ENO2: variants seen among roughly 807,000 people sequenced by gnomAD.
ENO2 encodes enolase 2.
ENO2 carries 19 observed loss-of-function variants against 48.7 expected under a neutral mutation model. The ratio of observed to expected loss-of-function variants is 0.39; its 90% CI spans 0.27 to 0.57. The LOEUF (loss-of-function observed/expected upper bound fraction) is 0.57. Ranked by LOEUF, ENO2 falls within the 20% of genes least tolerant of loss-of-function variation. The pLI is 0.58. For missense variants in ENO2, 416 were observed against 555.0 expected, an observed-to-expected ratio of 0.75 and a Z score of 2.52; for synonymous variants, 198 against 213.4, an observed-to-expected ratio of 0.93 and a Z score of 0.63.
At chr12:6,915,482 G>C in intron 1 of ENO2, 1 of 309,180 alleles carries the variant, frequency 3.2e-6, no homozygotes, top group South Asian at 4.0e-5. Context: ...AGATCTGGGG[G>C]AACCCCACCG....
chr12:6,921,466 G>T (rs782777658), intron 8 of ENO2, 115 bp from the exon 9 acceptor site: 3 of 982,018 alleles, frequency 3.1e-6, no homozygotes, highest in Non-Finnish European at 3.2e-6. Context: ...GGATGAGCAG[G>T]TGTAGTTAAC....
rs781955463 is a variant in ENO2, at chr12:6,921,721, G to T, written c.1006G>T (p.Ala336Ser). ...TATTGAGCGGGCAGTGGAAGAAAAG[G>T]CCTGCAACTGTCTGCTGCTCAAGGT... ...KRIERAVEEK[A>S]CNCLLLKVNQ... Residue 336 changes from alanine (A) to serine (S), a missense_variant, in exon 9 of 12, where the codon GCC becomes TCC. Physicochemically the swap from Ala to Ser is moderately conservative, Grantham distance 99. Transcript: ENST00000229277. The T allele has an allele frequency of 6.2e-7, 1 of 1,614,156 alleles. No homozygotes were observed. Among genetic ancestry groups the T allele is most frequent in the Admixed American group, 1.7e-5 (1 of 60,012 alleles).
rs1555141529 is a variant in ENO2, at chr12:6,915,814, C to T, written c.-12-7C>T. ...TCTTTCTCCTTCCTTCCCTTCCACC[C>T]GAGGAGATCCCAGCCATCATGTCCA... On this transcript the variant is annotated splice_polypyrimidine_tract_variant and splice_region_variant and intron_variant, in intron 1 of 11. Transcript: ENST00000229277. 1 of 1,612,980 alleles carries T rather than the reference C, an allele frequency of 6.2e-7. No individual in the cohort carries two copies. Among genetic ancestry groups the T allele is most frequent in the Non-Finnish European group, 8.5e-7 (1 of 1,179,438 alleles).
rs1555142127 is a variant in ENO2, at chr12:6,921,747, C to T, written c.1032C>T (p.Val344=). The change falls in exon 9 of 12, where the codon GTC becomes GTT. Residue 344 remains valine (V), a synonymous_variant. Coordinates refer to ENST00000229277, the MANE Select transcript of ENO2 (RefSeq NM_001975.3). The part of the protein sequence containing the change: ...EKACNCLLLK[V]NQIGSVTEAI... Reference sequence around the variant, plus strand: ...CCTGCAACTGTCTGCTGCTCAAGGTCAACCAGATCGGCTCGGTCACTGAAG... The same window carrying T: ...CCTGCAACTGTCTGCTGCTCAAGGTTAACCAGATCGGCTCGGTCACTGAAG... 3 of 1,614,192 alleles carry T rather than the reference C, an allele frequency of 1.9e-6. No individual in the cohort carries two copies. The highest frequency in any genetic ancestry group is 2.5e-6 in the Non-Finnish European group (3 of 1,180,046).
At chr12:6,921,390 CAAAAA>C (rs59941048) in intron 8 of ENO2, 186 bp from the exon 9 acceptor site, 4 of 496,564 alleles carry the variant, frequency 8.1e-6, no homozygotes, top group Non-Finnish European at 1.4e-5. Flanking sequence ...GAGGCTCTGT[CAAAAA>C]AAAAAAAAAA....
intron 1 of ENO2, 127 bp from the exon 2 acceptor site, chr12:6,915,694 A>AACCCC: frequency 1.4e-5 from 2 of 145,568 alleles, no homozygotes; most frequent in Non-Finnish European, 2.8e-5. Flanking sequence ...GCGCCTCCCT[A>AACCCC]CCCACCCCCC....
intron 7 of ENO2, among the ~76,000 whole-genome samples, chr12:6,919,352 G>C (rs1170419890): frequency 1.3e-5 from 2 of 152,284 alleles, no homozygotes; most frequent in African/African-American, 4.8e-5. Flanking sequence ...TGATACCAAT[G>C]AAAGTATAGT....
In ENO2 at chr12:6,916,931, C is replaced by T; in HGVS notation, c.241-107C>T. The T allele has an allele frequency of 2.0e-6, 3 of 1,520,602 alleles. No homozygotes were observed. The highest frequency in any genetic ancestry group is 2.3e-5 in the South Asian group (2 of 88,076). 94.2% of individuals were successfully genotyped at this position (1,520,602 alleles called of 1,614,324 possible). A position where few individuals can be genotyped will look rare whatever the true frequency, so the allele number is the denominator to read the frequency against. Reference sequence around the variant, plus strand: ...TCCAGGTAGGCCCCTGTCACAGGGACCTGGTTGGACCCTGGCCAAATGTGA... The same window carrying T: ...TCCAGGTAGGCCCCTGTCACAGGGATCTGGTTGGACCCTGGCCAAATGTGA... On this transcript the variant is annotated intron_variant, in intron 4 of 11. Transcript: ENST00000229277. This position sits in a 1 kb window ranked among gnomAD's most constrained non-coding sequence, Gnocchi z 4.5.
intron 1 of ENO2, 179 bp from the exon 2 acceptor site, chr12:6,915,642 G>A: frequency 3.3e-6 from 2 of 601,570 alleles, no homozygotes; most frequent in East Asian, 5.6e-5. Context: ...CCTCTTCCCA[G>A]GGGGGAGGGG....
At chr12:6,918,772 A>C (rs1195514113) in intron 7 of ENO2, among the ~76,000 whole-genome samples, 3 of 150,858 alleles carry the variant, frequency 2.0e-5, no homozygotes, top group African/African-American at 4.9e-5. Context: ...ACCTGAGGTC[A>C]GGAGTTTGAG....
At position 6,916,845 on chromosome 12, in the gene ENO2, G is replaced by A; in HGVS notation, c.240+116G>A. The stretch of plus-strand genomic sequence containing the variant: ...CTCTTAGGAATCATGGTTACAAGGG[G>A]GAAGGGTGGGGAACAGCTTCCTTAA... On this transcript the variant is annotated intron_variant, in intron 4 of 11. Transcript: ENST00000229277. This position sits in a 1 kb window ranked among gnomAD's most constrained non-coding sequence, Gnocchi z 4.5. The A allele has an allele frequency of 3.4e-6, 5 of 1,456,000 alleles. No homozygotes were observed. Among genetic ancestry groups the A allele is most frequent in the Non-Finnish European group, 4.7e-6 (5 of 1,061,668 alleles). The allele number at this position is 1,456,000 out of a possible 1,614,324, so 90.2% of individuals were successfully genotyped here.
intron 8 of ENO2, among the ~76,000 whole-genome samples, chr12:6,920,918 C>G (rs1807485040): frequency 6.6e-6 from 1 of 151,714 alleles, no homozygotes. Flanking sequence ...TCCCAAGTAG[C>G]TGGGATTACA....
Position 6,916,322 on chromosome 12 carries a change from G to C in ENO2, c.86-95G>C. ...AGGGAGCAGTGTGGGGAGAGAGCTA[G>C]ATGTGGTAGGCAGGCAGTTTAGAGC... On this transcript the variant is annotated intron_variant, in intron 2 of 11. Coordinates refer to ENST00000229277, the MANE Select transcript of ENO2 (RefSeq NM_001975.3). This position sits in a 1 kb window ranked among gnomAD's most constrained non-coding sequence, Gnocchi z 4.5. 8.8e-7 allele frequency: 1 copy of C among 1,134,898 alleles called. No individual in the cohort carries two copies. Among genetic ancestry groups the C allele is most frequent in the Non-Finnish European group, 1.3e-6 (1 of 792,650 alleles). The allele number at this position is 1,134,898 out of a possible 1,614,324, so 70.3% of individuals were successfully genotyped here. A position where few individuals can be genotyped will look rare whatever the true frequency, so the allele number is the denominator to read the frequency against.
chr12:6,920,461 G>A (rs894517153), intron 8 of ENO2, among the ~76,000 whole-genome samples: 10 of 150,782 alleles, frequency 6.6e-5, no homozygotes, highest in African/African-American at 2.2e-4. Flanking sequence ...GTGCAATGGC[G>A]CCATCTCGGC....
Position 6,922,265 on chromosome 12 carries a change from G to C in ENO2, c.1177-79G>C. 3.1e-6 allele frequency: 5 copies of C among 1,610,388 alleles called. No homozygotes were observed. Among genetic ancestry groups the C allele is most frequent in the Non-Finnish European group, 4.2e-6 (5 of 1,176,858 alleles). On this transcript the variant is annotated intron_variant, in intron 10 of 11. Coordinates refer to ENST00000229277, the MANE Select transcript of ENO2 (RefSeq NM_001975.3). The surrounding 1 kb of genome is among the most constrained non-coding windows in gnomAD (Gnocchi z 5.3). ...CTTCCAGGTGTTTGAGGGTGTCAGG[G>C]GAGTTTCAGGAGAGCAGAAGTTTCC... is the stretch of plus-strand genomic sequence containing the variant.
At chr12:6,919,526 C>T (rs1945321396) in intron 7 of ENO2, 40 bp from the exon 8 acceptor site, 2 of 1,608,950 alleles carry the variant, frequency 1.2e-6, no homozygotes, top group Middle Eastern at 1.7e-4. Flanking sequence ...TTGCCCATCC[C>T]TCCTGCTTGT....
chr12:6,920,371 TTG>T (rs1945328819), intron 8 of ENO2, among the ~76,000 whole-genome samples: 1 of 87,256 alleles, frequency 1.1e-5, no homozygotes. Context: ...AAGATTTTTT[TTG>T]GGGGGGGGGT....
chr12:6,919,119 C>G (rs1945318374), intron 7 of ENO2, among the ~76,000 whole-genome samples: 1 of 152,114 alleles, frequency 6.6e-6, no homozygotes, highest in Admixed American at 6.5e-5. Flanking sequence ...TCTAGAATCC[C>G]TAATTTTTCT....
In ENO2 at chr12:6,916,544, C is replaced by A; in HGVS notation, c.181+32C>A. 1.2e-6 allele frequency: 2 copies of A among 1,613,180 alleles called. No homozygotes were observed. Among genetic ancestry groups the A allele is most frequent in the Non-Finnish European group, 8.5e-7 (1 of 1,179,340 alleles). On this transcript the variant is annotated intron_variant, in intron 3 of 11. Coordinates refer to ENST00000229277, the MANE Select transcript of ENO2 (RefSeq NM_001975.3). This position sits in a 1 kb window ranked among gnomAD's most constrained non-coding sequence, Gnocchi z 4.5. ...TCCCTTCTCTTTTCCAGACTCTCCC[C>A]CACCTCAGCCTTATGCCCCTACCTC...
Sources: allele counts gnomAD v4.1 joint callset (sites outside exome capture counted in the v4.1 genomes callset), GRCh38; gene constraint gnomAD v4.1.1; non-coding constraint Gnocchi (gnomAD v3.1); transcripts MANE v1.5; gene names NCBI Gene and HGNC (gene_info 2026-07-23, HGNC 2026-07-21).